SGCZ: variants seen among roughly 807,000 people sequenced by gnomAD.
The protein encoded by SGCZ is sarcoglycan zeta, also known as zeta-sarcoglycan.
Under a neutral mutation model 41.3 loss-of-function variants are expected in SGCZ, and 40 were observed. The ratio of observed to expected loss-of-function variants is 0.97; its 90% CI spans 0.75 to 1.26. The LOEUF (loss-of-function observed/expected upper bound fraction) is 1.26. Ranked by LOEUF, SGCZ falls within the 50% of genes most tolerant of loss-of-function variation. SGCZ has a pLI of 0.00. For missense variants in SGCZ, 552 were observed against 369.8 expected (o/e 1.49, Z -4.04); for synonymous variants, 206 against 137.5 (o/e 1.50, Z -3.49).
chr8:15,173,545 G>A (rs1309732063), intron 1 of SGCZ, among the ~76,000 whole-genome samples: 1 of 152,172 alleles, frequency 6.6e-6, no homozygotes, highest in Non-Finnish European at 1.5e-5. Context: ...ATTATAATAT[G>A]TAGTATGATT....
chr8:14,795,845 A>C (rs1262013247), intron 1 of SGCZ, among the ~76,000 whole-genome samples: 1 of 152,006 alleles, frequency 6.6e-6, no homozygotes, highest in Non-Finnish European at 1.5e-5. Flanking sequence ...CCTCCGAAAG[A>C]TCCCAGTGTG....
chr8:14,135,854 G>C (rs911863629), intron 5 of SGCZ, among the ~76,000 whole-genome samples: 1 of 151,820 alleles, frequency 6.6e-6, no homozygotes, highest in African/African-American at 2.4e-5. Flanking sequence ...CCAAAAAACA[G>C]TATTAAAGCC....
chr8:14,209,656 A>G (rs959366907), intron 4 of SGCZ, among the ~76,000 whole-genome samples: 5 of 152,168 alleles, frequency 3.3e-5, no homozygotes, highest in African/African-American at 4.8e-5. Flanking sequence ...TGTACATTCA[A>G]TATAATATCC....
intron 2 of SGCZ, among the ~76,000 whole-genome samples, chr8:14,408,350 T>C (rs1196548731): frequency 6.6e-6 from 1 of 152,140 alleles, no homozygotes; most frequent in Non-Finnish European, 1.5e-5. Flanking sequence ...TGTCCCAACG[T>C]CCTAGAAAGC....
intron 2 of SGCZ, among the ~76,000 whole-genome samples, chr8:14,525,177 T>C (rs1057156275): frequency 7.0e-6 from 1 of 143,406 alleles, no homozygotes; most frequent in Non-Finnish European, 1.5e-5. Flanking sequence ...GATAGATAGA[T>C]AGATAGATAG....
chr8:14,141,680 G>A (rs934554590), intron 5 of SGCZ, among the ~76,000 whole-genome samples: 1 of 152,194 alleles, frequency 6.6e-6, no homozygotes, highest in African/African-American at 2.4e-5. Context: ...ATGCTGGAGA[G>A]GATGTGGAGA....
intron 5 of SGCZ, among the ~76,000 whole-genome samples, chr8:14,110,410 C>A (rs544441217): frequency 8.5e-5 from 13 of 152,170 alleles, no homozygotes; most frequent in Admixed American, 5.2e-4. Flanking sequence ...CAAACTCTAT[C>A]AGTGAAAATA....
intron 5 of SGCZ, among the ~76,000 whole-genome samples, chr8:14,131,025 C>A (rs1018775647): frequency 7.2e-5 from 11 of 152,194 alleles, no homozygotes; most frequent in Admixed American, 6.5e-5. Flanking sequence ...ATAAAACCAG[C>A]TGCACCTAAC....
chr8:14,541,214 A>G (rs1009923038), intron 2 of SGCZ, among the ~76,000 whole-genome samples: 5 of 151,968 alleles, frequency 3.3e-5, no homozygotes, highest in African/African-American at 1.2e-4. Flanking sequence ...TACACGTGCC[A>G]TGGTGGTTTG....
At chr8:14,518,305 T>G (rs557038323) in intron 2 of SGCZ, among the ~76,000 whole-genome samples, 51 of 152,206 alleles carry the variant, frequency 3.4e-4, no homozygotes, top group Admixed American at 2.7e-3. Context: ...TTCTAATATT[T>G]ATATGTCCCT....
At chr8:14,988,755 C>T (rs13268706) in intron 1 of SGCZ, among the ~76,000 whole-genome samples, 51,266 of 151,728 alleles carry the variant, frequency 0.34, 9,342 homozygotes, top group Non-Finnish European at 0.39. Context: ...TCTGGGATAA[C>T]GAAGGAAGCT....
At chr8:15,083,349 G>C (rs537593336) in intron 1 of SGCZ, among the ~76,000 whole-genome samples, 1 of 152,066 alleles carries the variant, frequency 6.6e-6, no homozygotes, top group Non-Finnish European at 1.5e-5. Context: ...CGGTATCACC[G>C]ATTTCAACAC....
chr8:15,090,619 G>A (rs537923532), intron 1 of SGCZ, among the ~76,000 whole-genome samples: 3 of 151,828 alleles, frequency 2.0e-5, no homozygotes, highest in East Asian at 3.9e-4. Flanking sequence ...AAGATTAAGA[G>A]CCAGAGAAAC....
chr8:14,092,198 C>A (rs1027710909), intron 7 of SGCZ, among the ~76,000 whole-genome samples: 1 of 151,964 alleles, frequency 6.6e-6, no homozygotes, highest in African/African-American at 2.4e-5. Flanking sequence ...GGTACCAGGA[C>A]TATGCTGTTT....
At chr8:14,625,906 G>A (rs1265100302) in intron 1 of SGCZ, among the ~76,000 whole-genome samples, 1 of 152,026 alleles carries the variant, frequency 6.6e-6, no homozygotes, top group Non-Finnish European at 1.5e-5. Context: ...ATGATAATCT[G>A]GACTACTTGG....
intron 1 of SGCZ, among the ~76,000 whole-genome samples, chr8:14,999,209 T>C (rs1802323444): frequency 6.6e-6 from 1 of 152,182 alleles, no homozygotes; most frequent in Admixed American, 6.5e-5. Flanking sequence ...ACATGGGGTT[T>C]CTCTTAAGTG....
At chr8:14,163,868 G>C (rs1478027) in intron 5 of SGCZ, among the ~76,000 whole-genome samples, 2,195 of 152,164 alleles carry the variant, frequency 0.014, 55 homozygotes, top group African/African-American at 0.049. Context: ...TTTTCTTCTT[G>C]TTTTTTAAAA....
At chr8:14,976,043 G>A (rs1302978237) in intron 1 of SGCZ, among the ~76,000 whole-genome samples, 2 of 143,986 alleles carry the variant, frequency 1.4e-5, no homozygotes, top group East Asian at 4.0e-4. Context: ...TTTTTTCTGA[G>A]ATGGAGCCTC....
intron 1 of SGCZ, among the ~76,000 whole-genome samples, chr8:14,889,676 TA>T (rs1354823422): frequency 1.3e-5 from 2 of 152,116 alleles, no homozygotes; most frequent in Non-Finnish European, 2.9e-5. Flanking sequence ...AATATGTTAT[TA>T]TGTATTTGAA....
Sources: allele counts gnomAD v4.1 joint callset (sites outside exome capture counted in the v4.1 genomes callset), GRCh38; gene constraint gnomAD v4.1.1; transcripts MANE v1.5; gene names NCBI Gene and HGNC (gene_info 2026-07-23, HGNC 2026-07-21).